The following TBC1D19 variants were observed in gnomAD, a reference collection of about 807,000 sequenced individuals.
TBC1D19 encodes TBC1 domain family member 19, also known as TBC1 domain family, member 19.
A neutral mutation model predicts 89.0 loss-of-function variants in TBC1D19; 60 were observed. That is an observed-to-expected ratio of 0.67 (90% CI 0.55 to 0.84). The LOEUF is 0.84. Among genes scored for constraint, TBC1D19 ranks in the 40% least tolerant of loss-of-function variants. The pLI, the probability that TBC1D19 is intolerant of heterozygous loss-of-function variation, is 0.00. For synonymous variants in TBC1D19, 189 were observed against 199.7 expected, an observed-to-expected ratio of 0.95 and a Z score of 0.45; for missense variants, 500 against 610.8, an observed-to-expected ratio of 0.82 and a Z score of 1.91.
rs1260101152 is a variant in TBC1D19 at position 26,628,027 on chromosome 4, G to A, written c.294+7339G>A. Among the ~76,000 whole-genome samples, 8 of 152,002 alleles carry A rather than the reference G, an allele frequency of 5.3e-5. No individual in the cohort carries two copies. In the South Asian group the frequency reaches 6.2e-4, roughly 12 times the overall value. On this transcript the variant is annotated intron_variant, in intron 4 of 20. Coordinates refer to ENST00000264866, the MANE Select transcript of TBC1D19 (RefSeq NM_018317.4). ...GGGTTTTTATGGTTTTAGGTCTAAC[G>A]TTTAAGTCTTTAATCCATCTTGAAT...
At chr4:26,821,501 C>T in the TBC1D19 span, among the ~76,000 whole-genome samples, 2 of 152,172 alleles carry the variant, frequency 1.3e-5, no homozygotes, top group Non-Finnish European at 2.9e-5. Context: ...TTTTGTAGTA[C>T]TCCTTGTGTG....
intron 15 of TBC1D19, among the ~76,000 whole-genome samples, chr4:26,726,768 G>A (rs1717346111): frequency 2.0e-5 from 3 of 152,132 alleles, no homozygotes; most frequent in South Asian, 4.1e-4. Context: ...TCAGATAGGC[G>A]AGTTACGGTA....
the TBC1D19 span, among the ~76,000 whole-genome samples, chr4:26,795,795 C>T: frequency 2.6e-5 from 4 of 152,176 alleles, no homozygotes; most frequent in Admixed American, 2.6e-4. Flanking sequence ...CCTAAGATAG[C>T]TAAGAGAAAA....
At chr4:26,583,447 C>G (rs1398679399), upstream of TBC1D19, among the ~76,000 whole-genome samples, 1 of 152,146 alleles carries the variant, frequency 6.6e-6, no homozygotes, top group African/African-American at 2.4e-5. Flanking sequence ...ACGGTAAATT[C>G]CTGGAAGACT....
At chr4:26,606,353 A>G (rs749262802) in intron 1 of TBC1D19, among the ~76,000 whole-genome samples, 29 of 152,184 alleles carry the variant, frequency 1.9e-4, no homozygotes, top group Non-Finnish European at 3.5e-4. Context: ...AGAACCCAGG[A>G]ATATATTGTG....
At chr4:26,827,714 TTTG>T in the TBC1D19 span, among the ~76,000 whole-genome samples, 1 of 110,374 alleles carries the variant, frequency 9.1e-6, no homozygotes, top group African/African-American at 3.6e-5. Flanking sequence ...TGTTTTTTGT[TTTG>T]TTTTTTTTTT....
At chr4:26,663,739 G>T (rs1247815716) in intron 8 of TBC1D19, among the ~76,000 whole-genome samples, 2 of 152,126 alleles carry the variant, frequency 1.3e-5, no homozygotes, top group Non-Finnish European at 2.9e-5. Context: ...ATATCATGCA[G>T]CCTGGCAATA....
At chr4:26,817,961 C>T in the TBC1D19 span, among the ~76,000 whole-genome samples, 2 of 104,750 alleles carry the variant, frequency 1.9e-5, no homozygotes, top group Non-Finnish European at 3.5e-5. Flanking sequence ...AGAGTGGAAA[C>T]TCCATTTAAA....
At chr4:26,601,163 A>G (rs1740572140) in intron 1 of TBC1D19, among the ~76,000 whole-genome samples, 1 of 151,872 alleles carries the variant, frequency 6.6e-6, no homozygotes, top group Non-Finnish European at 1.5e-5. Context: ...ACATAGAGAG[A>G]GACATATATA....
At chr4:26,588,468 G>A (rs1048735624) in intron 1 of TBC1D19, among the ~76,000 whole-genome samples, 1 of 151,686 alleles carries the variant, frequency 6.6e-6, no homozygotes, top group South Asian at 2.1e-4. Flanking sequence ...GCTTGCTTTG[G>A]ATTTAATTTG....
chr4:26,582,706 G>C (rs1187183504), upstream of TBC1D19, among the ~76,000 whole-genome samples: 7 of 152,200 alleles, frequency 4.6e-5, no homozygotes, highest in Non-Finnish European at 8.8e-5. Context: ...CTGCACTTTA[G>C]AGAGTCTGTC....
At chr4:26,801,449 C>T in the TBC1D19 span, among the ~76,000 whole-genome samples, 11 of 152,130 alleles carry the variant, frequency 7.2e-5, no homozygotes, top group African/African-American at 2.7e-4. Context: ...CATGATGCCT[C>T]CAGCTTTGTT....
intron 11 of TBC1D19, among the ~76,000 whole-genome samples, chr4:26,677,775 T>G (rs112030652): frequency 0.019 from 2,829 of 152,288 alleles, 62 homozygotes; most frequent in East Asian, 0.065. Flanking sequence ...TGGTTTGGTT[T>G]TATAAGGGGT....
At chr4:26,661,884 A>G (rs1160743822) in intron 8 of TBC1D19, among the ~76,000 whole-genome samples, 5 of 152,216 alleles carry the variant, frequency 3.3e-5, no homozygotes, top group African/African-American at 1.2e-4. Flanking sequence ...TAGGCACAAC[A>G]TAGGGAAGTC....
At chr4:26,774,976 G>GT in the TBC1D19 span, among the ~76,000 whole-genome samples, 22 of 152,170 alleles carry the variant, frequency 1.4e-4, no homozygotes, top group Non-Finnish European at 2.1e-4. Context: ...TTTGCTGAGA[G>GT]TTTTTTTATT....
chr4:26,770,784 T>A, the TBC1D19 span, among the ~76,000 whole-genome samples: 4 of 152,108 alleles, frequency 2.6e-5, no homozygotes, highest in Admixed American at 2.6e-4. Context: ...GTGATTGCAA[T>A]GAGTAATATT....
chr4:26,576,786 T>G (rs1278933274), exon 1 of TBC1D19: 2 of 456,074 alleles, frequency 4.4e-6, no homozygotes, highest in Non-Finnish European at 8.8e-6. Flanking sequence ...AAAATAAGAC[T>G]CTGGGATGAA....
At chr4:26,653,102 T>C (rs1166306446) in intron 7 of TBC1D19, among the ~76,000 whole-genome samples, 1 of 152,226 alleles carries the variant, frequency 6.6e-6, no homozygotes, top group Non-Finnish European at 1.5e-5. Context: ...AACATCTTTA[T>C]TTCTGCCTTC....
At chr4:26,714,915 A>G (rs985877073) in intron 13 of TBC1D19, among the ~76,000 whole-genome samples, 2 of 151,732 alleles carry the variant, frequency 1.3e-5, no homozygotes, top group African/African-American at 4.8e-5. Flanking sequence ...GTTACTCACT[A>G]CTCAGTTGTC....
Sources: gnomAD v4.1 joint callset for allele counts (sites outside exome capture counted in the v4.1 genomes callset) on GRCh38, gnomAD v4.1.1 for gene constraint, MANE v1.5 for transcripts, NCBI Gene and HGNC (gene_info 2026-07-23, HGNC 2026-07-21) for gene names.